CNTNAP2: variants seen among roughly 807,000 people sequenced by gnomAD.
CNTNAP2 encodes the protein contactin associated protein 2.
A neutral mutation model predicts 155.2 loss-of-function variants in CNTNAP2; 98 were observed. The ratio of observed to expected loss-of-function variants is 0.63; its 90% CI spans 0.54 to 0.75. The LOEUF is 0.75. Ranked by LOEUF, CNTNAP2 falls within the 30% of genes least tolerant of loss-of-function variation. CNTNAP2 has a pLI of 0.00. For synonymous variants in CNTNAP2, 651 were observed against 631.2 expected (o/e 1.03, Z -0.47); for missense variants, 1,727 against 1,688.1 (o/e 1.02, Z -0.40).
intron 3 of CNTNAP2, among the ~76,000 whole-genome samples, chr7:146,999,149 T>G (rs1798374374): frequency 6.6e-6 from 1 of 151,524 alleles, no homozygotes; most frequent in Non-Finnish European, 1.5e-5. Context: ...GTATCTGTTA[T>G]AGGCTTTTGA....
intron 15 of CNTNAP2, among the ~76,000 whole-genome samples, chr7:148,035,557 T>C (rs2527066): frequency 0.36 from 54,059 of 152,098 alleles, 10,330 homozygotes; most frequent in East Asian, 0.75. Context: ...GGTGCTTATT[T>C]TGTAGGCACA....
intron 3 of CNTNAP2, among the ~76,000 whole-genome samples, chr7:147,012,290 A>G (rs1160072563): frequency 2.0e-5 from 3 of 152,158 alleles, no homozygotes; most frequent in Admixed American, 2.0e-4. Flanking sequence ...TGTCATGGTT[A>G]TATAAGAGCA....
At chr7:147,516,420 G>T (rs1293670064) in intron 11 of CNTNAP2, among the ~76,000 whole-genome samples, 1 of 152,066 alleles carries the variant, frequency 6.6e-6, no homozygotes, top group African/African-American at 2.4e-5. Flanking sequence ...AACATTATTA[G>T]GGGCCAATAT....
chr7:146,261,757 G>C (rs992568111), intron 1 of CNTNAP2, among the ~76,000 whole-genome samples: 2 of 152,048 alleles, frequency 1.3e-5, no homozygotes, highest in Non-Finnish European at 2.9e-5. Flanking sequence ...TCTGCTGAGG[G>C]AGACTAAATT....
intron 1 of CNTNAP2, among the ~76,000 whole-genome samples, chr7:146,650,753 T>C (rs1461653263): frequency 7.9e-5 from 12 of 152,120 alleles, no homozygotes; most frequent in African/African-American, 2.9e-4. Flanking sequence ...ACATTGTAAG[T>C]CATACATCTG....
chr7:147,130,201 TC>T (rs1252560828), intron 7 of CNTNAP2, among the ~76,000 whole-genome samples: 1 of 151,854 alleles, frequency 6.6e-6, no homozygotes, highest in African/African-American at 2.4e-5. Flanking sequence ...ATCACTTGAG[TC>T]CAGGAGTTTG....
At chr7:148,330,790 A>AAGGG (rs1554419251) in intron 21 of CNTNAP2, among the ~76,000 whole-genome samples, 1 of 132,026 alleles carries the variant, frequency 7.6e-6, no homozygotes, top group Non-Finnish European at 1.6e-5. Context: ...TGATGGATGG[A>AAGGG]ATGGATGGAT....
chr7:147,702,079 C>T (rs1457847599), intron 13 of CNTNAP2, among the ~76,000 whole-genome samples: 21 of 120,796 alleles, frequency 1.7e-4, no homozygotes, highest in South Asian at 7.5e-4. Context: ...TTTTTTTTTC[C>T]GAAATATACT....
intron 10 of CNTNAP2, 128 bp from the exon 11 acceptor site, chr7:147,485,807 A>G: frequency 2.4e-6 from 2 of 846,144 alleles, no homozygotes. Context: ...TTAAACTAAC[A>G]AGGATTAATT....
intron 4 of CNTNAP2, among the ~76,000 whole-genome samples, chr7:147,050,165 G>A (rs1010355797): frequency 3.9e-5 from 6 of 152,146 alleles, no homozygotes; most frequent in African/African-American, 1.4e-4. Context: ...TTGATTCAGT[G>A]AGCTTTCTCC....
chr7:146,844,148 A>G lies in CNTNAP2; in HGVS notation c.402+4244A>G, dbSNP rs190284406. The stretch of plus-strand genomic sequence containing the variant: ...TAATATATTAAAATAAGCAAAGAAC[A>G]AGTCATATATAAGCAAATTATGACA... On this transcript the variant is annotated intron_variant, in intron 3 of 23. Transcript: ENST00000361727. 7.2e-3 allele frequency among the ~76,000 whole-genome samples: 1,101 copies of G among 152,232 alleles called. 15 individuals carry two copies. The highest frequency in any genetic ancestry group is 0.026 in the African/African-American group (1,065 of 41,560).
At chr7:146,917,313 T>C (rs945065251) in intron 3 of CNTNAP2, among the ~76,000 whole-genome samples, 1 of 152,208 alleles carries the variant, frequency 6.6e-6, no homozygotes, top group Non-Finnish European at 1.5e-5. Context: ...TCTGTAAATA[T>C]CTGTTAAGTC....
chr7:148,390,598 T>A (rs758210212), intron 22 of CNTNAP2, among the ~76,000 whole-genome samples: 2 of 152,194 alleles, frequency 1.3e-5, no homozygotes, highest in Non-Finnish European at 2.9e-5. Context: ...ATGTTTGTTT[T>A]GCAGGAACTT....
intron 1 of CNTNAP2, among the ~76,000 whole-genome samples, chr7:146,704,662 G>T (rs1283212486): frequency 6.6e-6 from 1 of 152,016 alleles, no homozygotes; most frequent in Non-Finnish European, 1.5e-5. Flanking sequence ...GAGGTCAATT[G>T]GTTAACCAAA....
chr7:146,132,745 T>C (rs1584764635), intron 1 of CNTNAP2, among the ~76,000 whole-genome samples: 1 of 151,692 alleles, frequency 6.6e-6, no homozygotes, highest in East Asian at 1.9e-4. Flanking sequence ...CATGAACTCA[T>C]CATTTTTTAT....
intron 13 of CNTNAP2, among the ~76,000 whole-genome samples, chr7:147,733,364 GT>G (rs1284559023): frequency 6.6e-6 from 1 of 152,162 alleles, no homozygotes; most frequent in Non-Finnish European, 1.5e-5. Flanking sequence ...ACTCTGTTTT[GT>G]TCCCTTGGTC....
intron 1 of CNTNAP2, among the ~76,000 whole-genome samples, chr7:146,615,407 C>T (rs1019715473): frequency 6.6e-6 from 1 of 152,152 alleles, no homozygotes; most frequent in Non-Finnish European, 1.5e-5. Context: ...TAGAGCCCTT[C>T]AGAAGGGCCA....
At chr7:147,403,012 G>A (rs1212126693) in intron 10 of CNTNAP2, among the ~76,000 whole-genome samples, 1 of 146,030 alleles carries the variant, frequency 6.8e-6, no homozygotes, top group Non-Finnish European at 1.5e-5. Flanking sequence ...TCAACACAGA[G>A]ACCTTAAGAC....
intron 1 of CNTNAP2, among the ~76,000 whole-genome samples, chr7:146,652,234 A>G (rs344489): frequency 0.036 from 5,541 of 152,040 alleles, 355 homozygotes; most frequent in African/African-American, 0.13. Flanking sequence ...CAAACTGGTA[A>G]TGCCTTCCTA....
Sources: gnomAD v4.1 joint callset for allele counts (sites outside exome capture counted in the v4.1 genomes callset) on GRCh38, gnomAD v4.1.1 for gene constraint, MANE v1.5 for transcripts, NCBI Gene and HGNC (gene_info 2026-07-23, HGNC 2026-07-21) for gene names.